The following DLGAP2 variants were observed in gnomAD, a reference collection of about 807,000 sequenced individuals.
DLGAP2 encodes DLG associated protein 2, also known as disks large-associated protein 2.
A neutral mutation model predicts 100.3 loss-of-function variants in DLGAP2; 26 were observed. That is an observed-to-expected ratio of 0.26 (90% confidence interval 0.19 to 0.36). The LOEUF is 0.36. DLGAP2 is among the 10% of genes least tolerant of loss of function. The pLI is 1.00. For missense variants in DLGAP2, 1,858 were observed against 1,453.2 expected (o/e 1.28, Z -4.53); for synonymous variants, 886 against 630.1 (o/e 1.41, Z -6.08).
At chr8:1,181,373 T>G (rs961101481) in intron 2 of DLGAP2, among the ~76,000 whole-genome samples, 10 of 152,212 alleles carry the variant, frequency 6.6e-5, no homozygotes, top group Admixed American at 6.5e-4. Flanking sequence ...GTGTTTTCTG[T>G]CCCTGTGTTA....
intron 1 of DLGAP2, among the ~76,000 whole-genome samples, chr8:855,930 C>T (rs371663100): frequency 1.3e-5 from 2 of 152,050 alleles, no homozygotes; most frequent in Non-Finnish European, 2.9e-5. Flanking sequence ...TAACCACCCC[C>T]CAACAGCTAA....
chr8:1,055,321 T>C (rs150898226), intron 2 of DLGAP2, among the ~76,000 whole-genome samples: 4 of 152,288 alleles, frequency 2.6e-5, no homozygotes, highest in African/African-American at 7.2e-5. Flanking sequence ...AACTAGCAAA[T>C]TGATTTTCTG....
In DLGAP2 at chr8:1,502,697, G is replaced by C. The variant is rs79528451; in HGVS notation, c.172+1266G>C. On this transcript the variant is annotated intron_variant, in intron 4 of 14. Coordinates refer to ENST00000637795, the MANE Select transcript of DLGAP2 (RefSeq NM_001346810.2). ...CATCGCGATGAATCTTCACTACTCA[G>C]CCTGCCTGGGGAGGCTTCCAAATGC... Among the ~76,000 whole-genome samples the C allele has an allele frequency of 3.3e-5, 5 of 152,300 alleles. No individual in the cohort carries two copies. The East Asian group carries it at 7.7e-4, about 24-fold the overall frequency.
At chr8:869,755 T>C (rs755870075) in intron 1 of DLGAP2, among the ~76,000 whole-genome samples, 7 of 152,232 alleles carry the variant, frequency 4.6e-5, no homozygotes, top group African/African-American at 1.2e-4. Context: ...GGCAAGCCTG[T>C]TTCCCCAAAT....
chr8:1,328,468 CCTGA>C (rs1392579327), intron 3 of DLGAP2, among the ~76,000 whole-genome samples: 25 of 152,014 alleles, frequency 1.6e-4, no homozygotes, highest in African/African-American at 5.6e-4. Context: ...TAGGCTCATG[CCTGA>C]CTAATTTGTG....
chr8:765,449 AT>A (rs1382648716), intron 1 of DLGAP2, among the ~76,000 whole-genome samples: 1 of 152,132 alleles, frequency 6.6e-6, no homozygotes, highest in Non-Finnish European at 1.5e-5. Flanking sequence ...GGTGGAGATC[AT>A]TTTTGTTGAC....
intron 2 of DLGAP2, among the ~76,000 whole-genome samples, chr8:925,463 G>C (rs749748961): frequency 2.0e-4 from 30 of 152,144 alleles, no homozygotes; most frequent in Non-Finnish European, 4.1e-4. Flanking sequence ...GTGGAGGCTG[G>C]ACAGGGCTGG....
chr8:1,283,543 C>T (rs964537047), intron 3 of DLGAP2, among the ~76,000 whole-genome samples: 4 of 152,196 alleles, frequency 2.6e-5, no homozygotes, highest in Non-Finnish European at 5.9e-5. Flanking sequence ...TCAGCCTTGG[C>T]ACTCGGCTTT....
At chr8:1,180,894 C>T (rs1797372966) in intron 2 of DLGAP2, among the ~76,000 whole-genome samples, 1 of 133,906 alleles carries the variant, frequency 7.5e-6, no homozygotes, top group South Asian at 2.4e-4. Flanking sequence ...AAGGGCAGTA[C>T]ACTTACTGTC....
Position 1,194,502 on chromosome 8 carries a change from G to A in DLGAP2, c.74-64349G>A, listed in dbSNP as rs562258295. 3.9e-5 allele frequency among the ~76,000 whole-genome samples: 6 copies of A among 152,214 alleles called. No homozygotes were observed. The South Asian group carries it at 1.2e-3, about 32-fold the overall frequency. On this transcript the variant is annotated intron_variant, in intron 2 of 14. Coordinates refer to ENST00000637795, the MANE Select transcript of DLGAP2 (RefSeq NM_001346810.2). The stretch of plus-strand genomic sequence containing the variant: ...GTCCCACTTTCCAGGTCATCCCCAG[G>A]GGTCCCTCTGGGTCACTCCTTGTGA...
intron 2 of DLGAP2, among the ~76,000 whole-genome samples, chr8:1,255,662 G>C (rs536850798): frequency 7.2e-5 from 10 of 139,316 alleles, no homozygotes; most frequent in Admixed American, 2.9e-4. Context: ...CGCTGTGTGT[G>C]TGTCGTCTCC....
chr8:951,751 T>C (rs931730788), intron 2 of DLGAP2, among the ~76,000 whole-genome samples: 9 of 152,174 alleles, frequency 5.9e-5, no homozygotes, highest in Non-Finnish European at 4.4e-5. Context: ...ACCTGGGGCG[T>C]CATGCATTTC....
At chr8:1,304,217 G>A (rs1395231774) in intron 3 of DLGAP2, among the ~76,000 whole-genome samples, 4 of 152,308 alleles carry the variant, frequency 2.6e-5, no homozygotes, top group Non-Finnish European at 1.5e-5. Context: ...TTGTGTCCAC[G>A]CTGGACTCTT....
rs1023555136 is a variant in DLGAP2, at chr8:819,652, G to A, written c.18+81827G>A. The stretch of plus-strand genomic sequence containing the variant: ...ATGAATGAACATTATTAACTGTACT[G>A]TGCATGACAGAGTAGTGGAAAAGTA... On this transcript the variant is annotated intron_variant, in intron 1 of 14. Transcript: ENST00000637795. 4.6e-5 allele frequency among the ~76,000 whole-genome samples: 7 copies of A among 152,218 alleles called. 1 individual carries two copies. Among genetic ancestry groups the A allele is most frequent in the Admixed American group, 1.3e-4 (2 of 15,282 alleles).
intron 6 of DLGAP2, among the ~76,000 whole-genome samples, chr8:1,582,971 C>G (rs776438075): frequency 6.6e-6 from 1 of 152,110 alleles, no homozygotes. Context: ...CATGACCGTG[C>G]ATTTGCGGAA....
At chr8:1,389,373 G>C (rs1343584286) in intron 3 of DLGAP2, among the ~76,000 whole-genome samples, 1 of 152,004 alleles carries the variant, frequency 6.6e-6, no homozygotes, top group African/African-American at 2.4e-5. Flanking sequence ...GAAGCCAGAG[G>C]ATCTGCAGAG....
Position 1,215,928 on chromosome 8 carries a change from A to T in DLGAP2, c.74-42923A>T, listed in dbSNP as rs556329033. ...GTGCATTACCTGGAGACGTCCAGGT[A>T]CCTGGATGGGTTCATTTGGGTGCAT... is the stretch of plus-strand genomic sequence containing the variant. On this transcript the variant is annotated intron_variant, in intron 2 of 14. Transcript: ENST00000637795. Among the ~76,000 whole-genome samples, 8 of 149,016 alleles carry T rather than the reference A, an allele frequency of 5.4e-5. No homozygotes were observed. In the East Asian group the frequency reaches 1.6e-3, roughly 30 times the overall value.
chr8:1,115,617 C>A (rs1422501590), intron 2 of DLGAP2, among the ~76,000 whole-genome samples: 1 of 152,120 alleles, frequency 6.6e-6, no homozygotes, highest in African/African-American at 2.4e-5. Context: ...CTTTAGGGAT[C>A]CTTCTTGTAG....
At chr8:1,337,450 A>ATGACGGTGATGATGT (rs1801312659) in intron 3 of DLGAP2, among the ~76,000 whole-genome samples, 1 of 102,476 alleles carries the variant, frequency 9.8e-6, no homozygotes, top group African/African-American at 2.8e-5. Context: ...GATGATGGTG[A>ATGACGGTGATGATGT]TGATGGTGAG....
Sources: allele counts gnomAD v4.1 joint callset (sites outside exome capture counted in the v4.1 genomes callset), GRCh38; gene constraint gnomAD v4.1.1; transcripts MANE v1.5; gene names NCBI Gene and HGNC (gene_info 2026-07-23, HGNC 2026-07-21).